Variants in NIPA1 observed in about 807,000 individuals in gnomAD.
The protein encoded by NIPA1 is magnesium transporter NIPA1.
In NIPA1, 13 loss-of-function variants were observed where a neutral mutation model predicts 23.9. The ratio of observed to expected loss-of-function variants is 0.54; its 90% CI spans 0.35 to 0.87. The LOEUF (loss-of-function observed/expected upper bound fraction) is 0.87. Ranked by LOEUF, NIPA1 falls within the 40% of genes least tolerant of loss-of-function variation. The pLI, the probability that NIPA1 is intolerant of heterozygous loss-of-function variation, is 0.01. For missense variants in NIPA1, 362 were observed against 429.7 expected, an observed-to-expected ratio of 0.84 and a Z score of 1.39; for synonymous variants, 234 against 202.9, an observed-to-expected ratio of 1.15 and a Z score of -1.30.
chr15:22,805,552 T>C (rs1169488970), intron 1 of NIPA1, among the ~76,000 whole-genome samples: 1 of 152,084 alleles, frequency 6.6e-6, no homozygotes, highest in East Asian at 1.9e-4. Context: ...CTGGGTGTGG[T>C]GGCGCAGCCT....
At chr15:22,815,797 A>G (rs1413160786) in intron 3 of NIPA1, among the ~76,000 whole-genome samples, 6 of 152,228 alleles carry the variant, frequency 3.9e-5, no homozygotes, top group African/African-American at 1.2e-4. Flanking sequence ...TAGATTTAGC[A>G]TTGAAAATAA....
intron 1 of NIPA1, among the ~76,000 whole-genome samples, chr15:22,796,744 AACGGTCCCTTTT>A (rs1338338965): frequency 2.0e-5 from 3 of 152,170 alleles, no homozygotes; most frequent in Admixed American, 6.6e-5. Flanking sequence ...TGTGAATGTA[AACGGTCCCTTTT>A]AGATGCTGCC....
chr15:22,823,890 A>G lies in NIPA1; in HGVS notation c.641A>G (p.Gln214Arg). ...ACCAAGGGCATCGGGCTGGCGGCCC[A>G]AGACATCTTGCATAACAACCCGTCC... ...PSTKGIGLAA[Q>R]DILHNNPSSQ... Residue 214 changes from glutamine to arginine, a missense_variant, in exon 5 of 5, where the codon CAA becomes CGA. Coordinates refer to ENST00000337435, the MANE Select transcript of NIPA1 (RefSeq NM_144599.5). 6.2e-7 allele frequency: 1 copy of G among 1,614,180 alleles called. No individual in the cohort carries two copies.
Position 22,820,435 on chromosome 15 carries a change from C to G in NIPA1, c.440C>G (p.Thr147Arg). ...IIHSPKSESV[T>R]TQAELEEKLT... is the part of the protein sequence containing the mutation. ...CACTCCCCAAAGTCTGAGAGTGTGACAACTCAGGCTGAGCTGGAGGAAAAG... is the reference window on the plus strand; with the variant it reads ...CACTCCCCAAAGTCTGAGAGTGTGAGAACTCAGGCTGAGCTGGAGGAAAAG... Residue 147 changes from threonine (T) to arginine (R), a missense_variant, in exon 4 of 5, where the codon ACA becomes AGA. By Grantham distance (71) the Thr-to-Arg change is moderately conservative (BLOSUM62 -1). This residue lies in a region of NIPA1 where 277 missense variants were observed against 372.0 expected (regional missense o/e 0.74). Coordinates refer to ENST00000337435, the MANE Select transcript of NIPA1 (RefSeq NM_144599.5). 1.2e-6 allele frequency: 2 copies of G among 1,612,942 alleles called. No homozygotes were observed. The highest frequency in any genetic ancestry group is 1.7e-6 in the Non-Finnish European group (2 of 1,178,932).
Position 22,786,667 on chromosome 15 carries a change from CA to C in NIPA1, c.12del (p.Ala5LeufsTer37). 1 of 1,071,998 alleles carries C rather than the reference CA, an allele frequency of 9.3e-7. No homozygotes were observed. The highest frequency in any genetic ancestry group is 1.1e-6 in the Non-Finnish European group (1 of 888,436). The allele number at this position is 1,071,998 out of a possible 1,614,324, so 66.4% of individuals were successfully genotyped here. A position where few individuals can be genotyped will look rare whatever the true frequency, so the allele number is the denominator to read the frequency against. Reference protein sequence around the residue: MGTAAAAAAAAAAA... With the variant: MGTXAAAAAAAAAA... ...GCGGGCGCGGGCGGAATGGGGACTG[CA>C]GCTGCGGCAGCGGCGGCGGCGGCGG... On this transcript the variant is annotated frameshift_variant, in exon 1 of 5. Coordinates refer to ENST00000337435, the MANE Select transcript of NIPA1 (RefSeq NM_144599.5). LOFTEE classifies it high-confidence loss of function.
rs560987240 is a variant in NIPA1 at position 22,811,664 on chromosome 15, T to C, written c.227-499T>C. On this transcript the variant is annotated intron_variant, in intron 2 of 4. Coordinates refer to ENST00000337435, the MANE Select transcript of NIPA1 (RefSeq NM_144599.5). ...TCACATTTGTCTTTTAATACGACATTACGTGGCAATACCAATTCTGTTCCT... is the reference window on the plus strand; with the variant it reads ...TCACATTTGTCTTTTAATACGACATCACGTGGCAATACCAATTCTGTTCCT... Among the ~76,000 whole-genome samples, 17 of 152,308 alleles carry C rather than the reference T, an allele frequency of 1.1e-4. 1 individual carries two copies. The highest frequency in any genetic ancestry group is 1.0e-3 in the Admixed American group (16 of 15,292).
At chr15:22,788,156 A>G (rs1013184083) in intron 1 of NIPA1, among the ~76,000 whole-genome samples, 7 of 152,014 alleles carry the variant, frequency 4.6e-5, no homozygotes, top group African/African-American at 4.8e-5. Context: ...CACCTCCCCA[A>G]TCCACGGCCC....
chr15:22,823,388 GAC>G (rs1034900180), intron 4 of NIPA1, among the ~76,000 whole-genome samples: 1 of 151,870 alleles, frequency 6.6e-6, no homozygotes, highest in African/African-American at 2.4e-5. Context: ...TTTTAGTAGA[GAC>G]GGGGTTTCAC....
intron 1 of NIPA1, among the ~76,000 whole-genome samples, chr15:22,790,753 G>A (rs1015999699): frequency 2.0e-5 from 3 of 152,058 alleles, no homozygotes; most frequent in East Asian, 1.9e-4. Context: ...TTGTGTAGGT[G>A]TTGAGAATAC....
intron 1 of NIPA1, among the ~76,000 whole-genome samples, chr15:22,791,113 A>G (rs1346165993): frequency 6.6e-6 from 1 of 152,086 alleles, no homozygotes; most frequent in Non-Finnish European, 1.5e-5. Flanking sequence ...CCTTCCCTTC[A>G]GGTTAACCCA....
chr15:22,817,499 CA>C (rs60309093), intron 3 of NIPA1, among the ~76,000 whole-genome samples: 50,551 of 122,774 alleles, frequency 0.41, 9,715 homozygotes, highest in Admixed American at 0.57. Context: ...AACTCCGTCT[CA>C]AAAAAAAAAA....
At chr15:22,817,186 CAAAA>C (rs894814701) in intron 3 of NIPA1, among the ~76,000 whole-genome samples, 2 of 61,084 alleles carry the variant, frequency 3.3e-5, no homozygotes, top group Non-Finnish European at 2.9e-5. Context: ...GACTCTGTCT[CAAAA>C]AAAAAAAAAA....
At chr15:22,823,657 C>T in intron 4 of NIPA1, 71 bp from the exon 5 acceptor site, 1 of 1,498,240 alleles carries the variant, frequency 6.7e-7, no homozygotes, top group African/African-American at 1.4e-5. Flanking sequence ...CCGGGTGCTG[C>T]CCCAGTCCAC....
At chr15:22,799,674 C>G (rs889717514) in intron 1 of NIPA1, among the ~76,000 whole-genome samples, 1 of 151,114 alleles carries the variant, frequency 6.6e-6, no homozygotes. Context: ...CCCAGCTACT[C>G]GGGAGGCTGA....
At position 22,828,178 on chromosome 15, in the gene NIPA1, T is replaced by C. The variant is rs541857989; in HGVS notation, c.*3939T>C. 1 of 152,694 alleles carries C rather than the reference T, an allele frequency of 6.5e-6. No individual in the cohort carries two copies. The highest frequency in any genetic ancestry group is 2.1e-4 in the South Asian group (1 of 4,824). 9.5% of individuals were successfully genotyped at this position (152,694 alleles called of 1,614,324 possible). On this transcript the variant is annotated 3_prime_UTR_variant, in exon 5 of 5. Coordinates refer to ENST00000337435, the MANE Select transcript of NIPA1 (RefSeq NM_144599.5). ...TTGGATGGAGTCTTGGTGTTTTGCCTTCTCAGGGACCAAAAATGTATCATT... is the reference window on the plus strand; with the variant it reads ...TTGGATGGAGTCTTGGTGTTTTGCCCTCTCAGGGACCAAAAATGTATCATT...
chr15:22,810,296 G>A (rs1895293920), intron 1 of NIPA1, among the ~76,000 whole-genome samples: 1 of 152,158 alleles, frequency 6.6e-6, no homozygotes, highest in Non-Finnish European at 1.5e-5. Flanking sequence ...AGTCGTATCA[G>A]AAGAGTTATA....
chr15:22,804,901 A>G (rs1023357021), intron 1 of NIPA1, among the ~76,000 whole-genome samples: 1 of 152,042 alleles, frequency 6.6e-6, no homozygotes, highest in Non-Finnish European at 1.5e-5. Flanking sequence ...CAGTGGCGCA[A>G]TCTTGGCTCA....
chr15:22,814,518 G>T (rs761536947), intron 3 of NIPA1, among the ~76,000 whole-genome samples: 2 of 152,056 alleles, frequency 1.3e-5, no homozygotes, highest in Non-Finnish European at 2.9e-5. Flanking sequence ...ATGTATATAT[G>T]TATATTTTAA....
chr15:22,789,401 C>T (rs764115420), intron 1 of NIPA1, among the ~76,000 whole-genome samples: 5 of 152,152 alleles, frequency 3.3e-5, no homozygotes, highest in Admixed American at 6.5e-5. Flanking sequence ...CAGAGCCTCC[C>T]GTCCAGGAGG....
Sources: gnomAD v4.1 joint callset for allele counts (sites outside exome capture counted in the v4.1 genomes callset) on GRCh38, gnomAD v4.1.1 for gene constraint, gnomAD v4.1.1 regional missense constraint, MANE v1.5 for transcripts, NCBI Gene and HGNC (gene_info 2026-07-23, HGNC 2026-07-21) for gene names.